DAB2IP: variants seen among roughly 807,000 people sequenced by gnomAD.
DAB2IP encodes DAB2 interacting protein, also known as disabled homolog 2-interacting protein.
DAB2IP carries 28 observed loss-of-function variants against 107.2 expected under a neutral mutation model. The ratio of observed to expected loss-of-function variants is 0.26; its 90% CI spans 0.19 to 0.36. DAB2IP has a LOEUF of 0.36. Among genes scored for constraint, DAB2IP ranks in the 10% least tolerant of loss-of-function variants. The probability of loss-of-function intolerance (pLI) is 1.00; values close to 1 mark genes in which losing one functional copy is unlikely to be tolerated. For missense variants in DAB2IP, 1,400 were observed against 1,644.7 expected, an observed-to-expected ratio of 0.85 and a Z score of 2.57; for synonymous variants, 755 against 706.4, an observed-to-expected ratio of 1.07 and a Z score of -1.09.
chr9:121,685,065 C>T (rs1828798364), intron 2 of DAB2IP, among the ~76,000 whole-genome samples: 3 of 152,210 alleles, frequency 2.0e-5, no homozygotes, highest in Admixed American at 1.3e-4. Context: ...CTCTGTGAGT[C>T]AGTCTCCTGA....
intron 1 of DAB2IP, among the ~76,000 whole-genome samples, chr9:121,572,282 C>T (rs1160616170): frequency 1.3e-5 from 2 of 152,090 alleles, no homozygotes; most frequent in African/African-American, 2.4e-5. Context: ...CAGCCTGACT[C>T]CCACATGAGA....
rs544910363 is a variant in DAB2IP at position 121,634,319 on chromosome 9, C to T, written c.41-44359C>T. ...AGATGGAGGAGGCAGAGGCCCCGGC[C>T]GGCCACACTTGACCCCGCCTTTACT... On this transcript the variant is annotated intron_variant, in intron 1 of 16. Transcript: ENST00000259371. The surrounding 1 kb of genome is among the most constrained non-coding windows in gnomAD (Gnocchi z 4.7). Among the ~76,000 whole-genome samples the T allele has an allele frequency of 4.6e-5, 7 of 152,322 alleles. No individual in the cohort carries two copies. The highest frequency in any genetic ancestry group is 2.1e-4 in the South Asian group (1 of 4,826).
chr9:121,570,727 T>C (rs765543114), intron 1 of DAB2IP, among the ~76,000 whole-genome samples: 19 of 152,028 alleles, frequency 1.2e-4, no homozygotes, highest in Middle Eastern at 3.4e-3. Flanking sequence ...TTTGTATTTT[T>C]TGTAGAGACA....
In DAB2IP at chr9:121,684,780, C is replaced by A. The variant is rs1419439303; in HGVS notation, c.228+5999C>A. ...GGCTCACAGATCAGACAAGCCAGAT[C>A]TGTCCCAGGGTATATGGGGAAACTG... On this transcript the variant is annotated intron_variant, in intron 2 of 15. Coordinates refer to ENST00000408936, the Ensembl canonical transcript of DAB2IP. The surrounding 1 kb of genome is among the most constrained non-coding windows in gnomAD (Gnocchi z 4.0). Among the ~76,000 whole-genome samples the A allele has an allele frequency of 1.3e-5, 2 of 152,248 alleles. No individual in the cohort carries two copies. Among genetic ancestry groups the A allele is most frequent in the South Asian group, 2.1e-4 (1 of 4,832 alleles).
At chr9:121,734,418 G>C (rs1831749505) in intron 3 of DAB2IP, among the ~76,000 whole-genome samples, 1 of 152,050 alleles carries the variant, frequency 6.6e-6, no homozygotes, top group Non-Finnish European at 1.5e-5. Context: ...GCTGAAAGGA[G>C]CCTGCAAGCG....
chr9:121,723,089 G>GC (rs1459884805), intron 3 of DAB2IP, among the ~76,000 whole-genome samples: 3 of 152,204 alleles, frequency 2.0e-5, no homozygotes, highest in African/African-American at 7.2e-5. Context: ...ATGGCCCAGA[G>GC]CCCTCTCTCC....
chr9:121,591,870 G>A (rs1276919684), intron 1 of DAB2IP, among the ~76,000 whole-genome samples: 1 of 152,174 alleles, frequency 6.6e-6, no homozygotes, highest in African/African-American at 2.4e-5. Flanking sequence ...TACAGCCCAG[G>A]GGAGTCAGAT....
chr9:121,651,677 C>A lies in DAB2IP; in HGVS notation c.-99C>A, dbSNP rs1832745168. On this transcript the variant is annotated 5_prime_UTR_variant, in exon 1 of 16. Transcript: ENST00000408936. This position sits in a 1 kb window ranked among gnomAD's most constrained non-coding sequence, Gnocchi z 5.1. Reference sequence around the variant, plus strand: ...GGGCCTCGGCGGCCGCTCGGGCGAGCGCGGGAGAACGCGTGGGCGCCCGCC... The same window carrying A: ...GGGCCTCGGCGGCCGCTCGGGCGAGAGCGGGAGAACGCGTGGGCGCCCGCC... 16 of 1,108,012 alleles carry A rather than the reference C, an allele frequency of 1.4e-5. No homozygotes were observed. In the South Asian group the frequency reaches 4.9e-4, roughly 34 times the overall value. 68.6% of individuals were successfully genotyped at this position (1,108,012 alleles called of 1,614,324 possible).
chr9:121,683,830 G>A (rs1006492886), intron 2 of DAB2IP, among the ~76,000 whole-genome samples: 10 of 152,186 alleles, frequency 6.6e-5, no homozygotes, highest in Admixed American at 3.9e-4. Flanking sequence ...ATAGGAGTTC[G>A]TCAGGAACCA....
In DAB2IP at chr9:121,767,465, GTGACATGATCC is replaced by G. The variant is rs373510644; in HGVS notation, c.1697+736_1697+746del. ...GAGAGGAGACAGGAAAGCCTCCAGG[GTGACATGATCC>G]CCCAACTGCATGTCAGGGTGAGGCG... is the stretch of plus-strand genomic sequence containing the variant. On this transcript the variant is annotated intron_variant, in intron 9 of 15. Coordinates refer to ENST00000408936, the Ensembl canonical transcript of DAB2IP. Among the ~76,000 whole-genome samples the G allele has an allele frequency of 2.0e-3, 302 of 152,322 alleles. 1 individual carries two copies. The highest frequency in any genetic ancestry group is 7.0e-3 in the African/African-American group (289 of 41,580).
intron 2 of DAB2IP, among the ~76,000 whole-genome samples, chr9:121,689,968 A>G (rs1829080722): frequency 6.6e-6 from 1 of 152,246 alleles, no homozygotes; most frequent in Non-Finnish European, 1.5e-5. Flanking sequence ...TGTTGAACCC[A>G]GCTCTGCCGC....
At chr9:121,601,783 C>T (rs1830689800) in intron 1 of DAB2IP, among the ~76,000 whole-genome samples, 3 of 152,132 alleles carry the variant, frequency 2.0e-5, no homozygotes, top group Admixed American at 6.5e-5. Context: ...ACCCAAGATC[C>T]TACAACTGGT....
intron 12 of DAB2IP, 67 bp downstream of exon 12, chr9:121,773,562 C>T: frequency 2.9e-6 from 4 of 1,362,162 alleles, no homozygotes; most frequent in Non-Finnish European, 1.9e-6. Context: ...ATACCCCATA[C>T]CATGCTCCTC....
exon 7 of DAB2IP, chr9:121,763,595 G>A (rs745826640): frequency 6.2e-7 from 1 of 1,613,856 alleles, no homozygotes; most frequent in Non-Finnish European, 8.5e-7. Flanking sequence ...GGCCACCAAG[G>A]CCATTGAGGA....
chr9:121,600,536 G>C (rs530834895), intron 1 of DAB2IP, among the ~76,000 whole-genome samples: 12 of 152,194 alleles, frequency 7.9e-5, no homozygotes, highest in African/African-American at 2.4e-4. Context: ...TCTCCCTCTG[G>C]CCCCTTCTGC....
intron 3 of DAB2IP, among the ~76,000 whole-genome samples, chr9:121,740,308 T>C (rs1446276109): frequency 2.6e-5 from 4 of 152,192 alleles, no homozygotes; most frequent in Admixed American, 6.5e-5. Flanking sequence ...CCACCCACTC[T>C]CTGGAAGGCT....
At chr9:121,636,328 TCTC>T (rs1564125130) in intron 1 of DAB2IP, among the ~76,000 whole-genome samples, 1 of 152,078 alleles carries the variant, frequency 6.6e-6, no homozygotes, top group Non-Finnish European at 1.5e-5. Flanking sequence ...CTGCTTTTAT[TCTC>T]CTTTTAGCAT....
At chr9:121,749,083 G>T (rs1398940810) in intron 3 of DAB2IP, among the ~76,000 whole-genome samples, 1 of 152,162 alleles carries the variant, frequency 6.6e-6, no homozygotes, top group Non-Finnish European at 1.5e-5. Context: ...TTTAGGACAG[G>T]CTCTGTCTCC....
intron 2 of DAB2IP, among the ~76,000 whole-genome samples, chr9:121,695,003 T>C (rs2118709809): frequency 6.6e-6 from 1 of 152,270 alleles, no homozygotes; most frequent in East Asian, 1.9e-4. Flanking sequence ...CCCTGCAGAC[T>C]GTGTAGGCTG....
Sources: gnomAD v4.1 joint callset for allele counts (sites outside exome capture counted in the v4.1 genomes callset) on GRCh38, gnomAD v4.1.1 for gene constraint, Gnocchi (gnomAD v3.1) non-coding constraint, MANE v1.5 for transcripts, NCBI Gene and HGNC (gene_info 2026-07-23, HGNC 2026-07-21) for gene names.